The following ANK3 variants were observed in gnomAD, a reference collection of about 807,000 sequenced individuals.
ANK3 encodes ankyrin 3.
In ANK3, 57 loss-of-function variants were observed where a neutral mutation model predicts 370.9. That is an observed-to-expected ratio of 0.15 (90% CI 0.12 to 0.19). ANK3 has a LOEUF of 0.19. ANK3 is among the 10% of genes least tolerant of loss of function. ANK3 has a pLI of 1.00. For missense variants in ANK3, 4,439 were observed against 5,302.1 expected (o/e 0.84, Z 5.06); for synonymous variants, 1,929 against 1,946.3 (o/e 0.99, Z 0.23).
intron 43 of ANK3, among the ~76,000 whole-genome samples, chr10:60,031,796 C>A (rs955896833): frequency 1.3e-5 from 2 of 152,152 alleles, no homozygotes; most frequent in East Asian, 1.9e-4. Flanking sequence ...TCTCTGCCCC[C>A]CTACAGGACC....
At chr10:60,516,143 T>C (rs902402670) in intron 2 of ANK3, among the ~76,000 whole-genome samples, 1 of 151,472 alleles carries the variant, frequency 6.6e-6, no homozygotes, top group Non-Finnish European at 1.5e-5. Flanking sequence ...AAGGAGGAGG[T>C]GAAATTTATG....
intron 2 of ANK3, among the ~76,000 whole-genome samples, chr10:60,485,456 G>A (rs566910166): frequency 6.6e-6 from 1 of 152,312 alleles, no homozygotes; most frequent in South Asian, 2.1e-4. Flanking sequence ...TTATCCTCAG[G>A]GAAGGCTTTA....
intron 1 of ANK3, among the ~76,000 whole-genome samples, chr10:60,643,969 C>T (rs1407945347): frequency 6.6e-6 from 1 of 152,176 alleles, no homozygotes; most frequent in Admixed American, 6.5e-5. Flanking sequence ...TCCCTATCCC[C>T]AGCCCTGTAT....
chr10:60,078,110 G>A (rs1209160757), intron 36 of ANK3, among the ~76,000 whole-genome samples: 2 of 152,218 alleles, frequency 1.3e-5, no homozygotes, highest in African/African-American at 4.8e-5. Context: ...GTTCAGAATA[G>A]TGAAACTCAA....
At chr10:60,265,716 T>C (rs2097866129) in intron 5 of ANK3, among the ~76,000 whole-genome samples, 1 of 152,134 alleles carries the variant, frequency 6.6e-6, no homozygotes, top group African/African-American at 2.4e-5. Flanking sequence ...TCCTAAAACA[T>C]CCCTTTCAAC....
chr10:60,712,855 AG>A (rs1195602332), intron 1 of ANK3, among the ~76,000 whole-genome samples: 3 of 152,196 alleles, frequency 2.0e-5, no homozygotes, highest in Non-Finnish European at 4.4e-5. Context: ...GAAAAATATC[AG>A]GGATAAAAAG....
At chr10:60,052,345 C>G (rs117080546) in intron 42 of ANK3, among the ~76,000 whole-genome samples, 2,904 of 152,158 alleles carry the variant, frequency 0.019, 32 homozygotes, top group Middle Eastern at 0.037. Flanking sequence ...ACAACAACAA[C>G]AAGTAAAGAA....
At chr10:60,616,971 C>T (rs1022240782) in intron 1 of ANK3, among the ~76,000 whole-genome samples, 3 of 152,086 alleles carry the variant, frequency 2.0e-5, no homozygotes, top group Non-Finnish European at 4.4e-5. Context: ...TATTGCAGTT[C>T]TTCCCCTTTA....
intron 17 of ANK3, among the ~76,000 whole-genome samples, chr10:60,184,038 A>C (rs752564813): frequency 6.6e-6 from 1 of 152,198 alleles, no homozygotes; most frequent in Non-Finnish European, 1.5e-5. Flanking sequence ...TAGCACCTCA[A>C]CAATAACTTG....
At chr10:60,541,665 T>C (rs2076852291) in intron 2 of ANK3, among the ~76,000 whole-genome samples, 1 of 151,940 alleles carries the variant, frequency 6.6e-6, no homozygotes, top group South Asian at 2.1e-4. Flanking sequence ...CCAGACTCTC[T>C]AGAGTACTCC....
At chr10:60,422,173 G>A (rs1159724175) in intron 2 of ANK3, among the ~76,000 whole-genome samples, 1 of 152,072 alleles carries the variant, frequency 6.6e-6, no homozygotes, top group East Asian at 1.9e-4. Context: ...TTCCACCAAA[G>A]TCTTTCCCCA....
chr10:60,341,638 G>A (rs1333186364), intron 1 of ANK3, among the ~76,000 whole-genome samples: 1 of 152,130 alleles, frequency 6.6e-6, no homozygotes, highest in Non-Finnish European at 1.5e-5. Context: ...CCCAAGTAAA[G>A]AGGGGGCATT....
chr10:60,350,197 T>C (rs764173048), intron 1 of ANK3, among the ~76,000 whole-genome samples: 8 of 152,188 alleles, frequency 5.3e-5, no homozygotes, highest in African/African-American at 9.7e-5. Context: ...ATAATATGCA[T>C]AGTAGAATAC....
intron 1 of ANK3, among the ~76,000 whole-genome samples, chr10:60,696,712 C>A (rs1272691642): frequency 1.3e-5 from 2 of 148,816 alleles, no homozygotes; most frequent in South Asian, 4.3e-4. Context: ...GCCCTTCATG[C>A]TAAAAACTCT....
At chr10:60,324,050 A>C (rs2132904707) in intron 1 of ANK3, among the ~76,000 whole-genome samples, 1 of 152,350 alleles carries the variant, frequency 6.6e-6, no homozygotes, top group Admixed American at 6.5e-5. Flanking sequence ...TCTGACTATA[A>C]AGAGGGACAC....
At chr10:60,493,363 T>C (rs1224001938) in intron 2 of ANK3, among the ~76,000 whole-genome samples, 1 of 151,818 alleles carries the variant, frequency 6.6e-6, no homozygotes, top group Non-Finnish European at 1.5e-5. Flanking sequence ...TAGAAAACCA[T>C]GCTTAAGATA....
chr10:60,406,289 G>C (rs954898260), intron 2 of ANK3, among the ~76,000 whole-genome samples: 1 of 152,178 alleles, frequency 6.6e-6, no homozygotes, highest in African/African-American at 2.4e-5. Context: ...GCAGGCACTA[G>C]ATTTGGGTCA....
chr10:60,240,379 A>G (rs190393690), intron 7 of ANK3, among the ~76,000 whole-genome samples: 2,955 of 147,952 alleles, frequency 0.02, 93 homozygotes, highest in African/African-American at 0.067. Flanking sequence ...ATTTCGGCTC[A>G]CCACAACCTC....
intron 24 of ANK3, 47 bp from the exon 25 acceptor site, chr10:60,134,420 G>A (rs1387346808): frequency 2.1e-6 from 3 of 1,448,152 alleles, no homozygotes; most frequent in Admixed American, 2.1e-5. Flanking sequence ...ATGATGATGA[G>A]ATGAATAAAA....
Sources: allele counts gnomAD v4.1 joint callset (sites outside exome capture counted in the v4.1 genomes callset), GRCh38; gene constraint gnomAD v4.1.1; transcripts MANE v1.5; gene names NCBI Gene and HGNC (gene_info 2026-07-23, HGNC 2026-07-21).